The following COL25A1 variants were observed in gnomAD, a reference collection of about 807,000 sequenced individuals.
The protein encoded by COL25A1 is collagen alpha-1(XXV) chain.
COL25A1 carries 103 observed loss-of-function variants against 128.4 expected under a neutral mutation model. That is an observed-to-expected ratio of 0.80 (90% confidence interval 0.68 to 0.94). The LOEUF (loss-of-function observed/expected upper bound fraction) is 0.94. Among genes scored for constraint, COL25A1 ranks in the 40% least tolerant of loss-of-function variants. COL25A1 has a pLI of 0.00. For synonymous variants in COL25A1, 279 were observed against 277.2 expected (o/e 1.01, Z -0.06); for missense variants, 745 against 840.0 (o/e 0.89, Z 1.40).
intron 3 of COL25A1, among the ~76,000 whole-genome samples, chr4:109,148,679 C>T (rs151307601): frequency 1.3e-5 from 2 of 152,274 alleles, no homozygotes; most frequent in Non-Finnish European, 1.5e-5. Flanking sequence ...ACAATTTTGA[C>T]CCTGTCACTC....
intron 3 of COL25A1, among the ~76,000 whole-genome samples, chr4:109,195,748 A>C (rs1011507293): frequency 6.6e-6 from 1 of 152,220 alleles, no homozygotes; most frequent in African/African-American, 2.4e-5. Context: ...ACTGGGTCCC[A>C]CATGCTGTGA....
chr4:108,856,644 C>T (rs145992680), intron 24 of COL25A1, among the ~76,000 whole-genome samples: 2 of 152,134 alleles, frequency 1.3e-5, no homozygotes, highest in East Asian at 3.9e-4. Flanking sequence ...CAAATAGTTG[C>T]CTCACAACCA....
intron 3 of COL25A1, among the ~76,000 whole-genome samples, chr4:109,099,859 C>G (rs920790516): frequency 4.6e-5 from 7 of 152,076 alleles, no homozygotes; most frequent in African/African-American, 1.4e-4. Context: ...TATTTTAAAA[C>G]TATTTGAACT....
chr4:109,259,065 G>A (rs1221580516), intron 3 of COL25A1, among the ~76,000 whole-genome samples: 2 of 151,912 alleles, frequency 1.3e-5, no homozygotes, highest in Non-Finnish European at 2.9e-5. Flanking sequence ...CACTCCTTAT[G>A]TTTTATTTCT....
At chr4:109,268,645 C>T (rs1323004192) in intron 3 of COL25A1, among the ~76,000 whole-genome samples, 1 of 152,188 alleles carries the variant, frequency 6.6e-6, no homozygotes, top group African/African-American at 2.4e-5. Flanking sequence ...AAAAAGATTA[C>T]ATGTCAATCA....
intron 3 of COL25A1, among the ~76,000 whole-genome samples, chr4:109,281,589 C>T (rs1238276146): frequency 3.9e-5 from 6 of 152,100 alleles, no homozygotes. Context: ...ATCAGACAGT[C>T]CCTTCTAGAA....
At chr4:109,291,281 T>G (rs772854000) in intron 3 of COL25A1, among the ~76,000 whole-genome samples, 1 of 152,168 alleles carries the variant, frequency 6.6e-6, no homozygotes. Flanking sequence ...GATTTATACT[T>G]TCTATGTGAA....
chr4:108,939,421 A>G (rs185313707), intron 10 of COL25A1, among the ~76,000 whole-genome samples: 2 of 152,176 alleles, frequency 1.3e-5, no homozygotes, highest in Non-Finnish European at 2.9e-5. Context: ...AGCTTTCAGA[A>G]AGGGATATGG....
intron 24 of COL25A1, among the ~76,000 whole-genome samples, chr4:108,855,407 G>C (rs1367129912): frequency 6.6e-6 from 1 of 151,574 alleles, no homozygotes; most frequent in African/African-American, 2.4e-5. Flanking sequence ...ACAGTGTAGA[G>C]AAGTCATTTA....
chr4:109,033,858 C>A (rs1032309819), intron 5 of COL25A1, among the ~76,000 whole-genome samples: 1 of 151,668 alleles, frequency 6.6e-6, no homozygotes, highest in Non-Finnish European at 1.5e-5. Context: ...CAATAATAAT[C>A]CAAAAGGAAT....
chr4:108,853,830 T>C (rs896226112), intron 24 of COL25A1, among the ~76,000 whole-genome samples: 4 of 152,138 alleles, frequency 2.6e-5, no homozygotes, highest in Non-Finnish European at 4.4e-5. Context: ...TCCATGTCCC[T>C]ACAAATGACA....
At chr4:108,869,455 A>G (rs1056030640) in intron 19 of COL25A1, among the ~76,000 whole-genome samples, 5 of 152,178 alleles carry the variant, frequency 3.3e-5, no homozygotes, top group Admixed American at 3.3e-4. Flanking sequence ...GTCAGACAGA[A>G]GTACAGGTAA....
intron 3 of COL25A1, among the ~76,000 whole-genome samples, chr4:109,066,837 A>G (rs1324447626): frequency 2.0e-5 from 3 of 151,788 alleles, no homozygotes; most frequent in Non-Finnish European, 2.9e-5. Context: ...TAATTTTTTT[A>G]TTGCTATCTT....
At chr4:108,886,716 G>A (rs551151192) in intron 18 of COL25A1, among the ~76,000 whole-genome samples, 2 of 152,072 alleles carry the variant, frequency 1.3e-5, no homozygotes, top group South Asian at 4.2e-4. Context: ...GATTTGATTC[G>A]TTATCCCATT....
chr4:108,985,083 C>T (rs996598817), intron 6 of COL25A1, among the ~76,000 whole-genome samples: 1 of 152,226 alleles, frequency 6.6e-6, no homozygotes. Context: ...TCTCCTTCTT[C>T]CAATGTATAT....
chr4:108,865,639 A>C (rs914372071), intron 20 of COL25A1, among the ~76,000 whole-genome samples: 3 of 152,256 alleles, frequency 2.0e-5, no homozygotes, highest in African/African-American at 7.2e-5. Flanking sequence ...TGTTTCTTTT[A>C]ATGTTTTACT....
intron 18 of COL25A1, among the ~76,000 whole-genome samples, chr4:108,885,731 T>C (rs1353167075): frequency 6.6e-6 from 1 of 152,144 alleles, no homozygotes; most frequent in Non-Finnish European, 1.5e-5. Flanking sequence ...TAAATTGCAA[T>C]AGAATATACA....
chr4:109,130,855 T>C (rs1037097624), intron 3 of COL25A1, among the ~76,000 whole-genome samples: 3 of 152,214 alleles, frequency 2.0e-5, no homozygotes, highest in Admixed American at 1.3e-4. Context: ...AAAATACATA[T>C]TTATTTATAT....
At chr4:108,944,426 T>C (rs953225379) in intron 8 of COL25A1, among the ~76,000 whole-genome samples, 4 of 152,188 alleles carry the variant, frequency 2.6e-5, no homozygotes, top group Admixed American at 6.5e-5. Flanking sequence ...CAGAATTTTA[T>C]ATATAAACCT....
Sources: allele counts gnomAD v4.1 joint callset (sites outside exome capture counted in the v4.1 genomes callset), GRCh38; gene constraint gnomAD v4.1.1; transcripts MANE v1.5; gene names NCBI Gene and HGNC (gene_info 2026-07-23, HGNC 2026-07-21).